The following PARD3 variants were observed in gnomAD, a reference collection of about 807,000 sequenced individuals.
The protein encoded by PARD3 is partitioning defective 3 homolog.
In PARD3, 75 loss-of-function variants were observed where a neutral mutation model predicts 155.4. The ratio of observed to expected loss-of-function variants is 0.48; its 90% CI spans 0.40 to 0.58. The LOEUF (loss-of-function observed/expected upper bound fraction) is 0.58, where lower values mean the gene tolerates loss of function less well. Among genes scored for constraint, PARD3 ranks in the 20% least tolerant of loss-of-function variants. The pLI is 0.00. For synonymous variants in PARD3, 576 were observed against 610.5 expected (o/e 0.94, Z 0.83); for missense variants, 1,642 against 1,721.7 (o/e 0.95, Z 0.82).
At chr10:34,521,364 CAAAA>C (rs35030184) in intron 2 of PARD3, among the ~76,000 whole-genome samples, 11 of 90,508 alleles carry the variant, frequency 1.2e-4, no homozygotes, top group Non-Finnish European at 7.3e-5. Flanking sequence ...AGTAACACAG[CAAAA>C]AAAAAAAAAA....
intron 22 of PARD3, among the ~76,000 whole-genome samples, chr10:34,200,310 C>G (rs12246710): frequency 0.11 from 17,180 of 152,068 alleles, 3,282 homozygotes; most frequent in African/African-American, 0.39. Context: ...CTTCCAACAC[C>G]TCTTAAGCAA....
intron 21 of PARD3, among the ~76,000 whole-genome samples, chr10:34,278,348 A>G (rs773148561): frequency 9.2e-5 from 14 of 152,222 alleles, no homozygotes; most frequent in Non-Finnish European, 1.8e-4. Flanking sequence ...ACATGCTTAA[A>G]TCTTTTTCTC....
At chr10:34,715,570 A>G (rs2094507980) in intron 1 of PARD3, among the ~76,000 whole-genome samples, 1 of 152,138 alleles carries the variant, frequency 6.6e-6, no homozygotes, top group Non-Finnish European at 1.5e-5. Context: ...TTCCTGGCTG[A>G]AATGTATCTC....
intron 1 of PARD3, among the ~76,000 whole-genome samples, chr10:34,746,981 C>A (rs1041724657): frequency 1.3e-5 from 2 of 152,150 alleles, no homozygotes; most frequent in South Asian, 2.1e-4. Flanking sequence ...CCCTTCCCTG[C>A]GGGGATTAGA....
intron 13 of PARD3, among the ~76,000 whole-genome samples, chr10:34,359,783 T>C (rs1839262086): frequency 6.6e-6 from 1 of 152,216 alleles, no homozygotes; most frequent in Admixed American, 6.5e-5. Flanking sequence ...ACGTCTACTA[T>C]ACGCCCATTC....
intron 19 of PARD3, among the ~76,000 whole-genome samples, chr10:34,327,684 C>T (rs573826951): frequency 4.6e-5 from 7 of 152,326 alleles, no homozygotes; most frequent in South Asian, 2.1e-4. Context: ...TCTCTAGCCA[C>T]GCATTTCCAG....
chr10:34,762,137 C>T (rs540328205), intron 1 of PARD3, among the ~76,000 whole-genome samples: 4 of 152,238 alleles, frequency 2.6e-5, no homozygotes, highest in African/African-American at 9.6e-5. Context: ...ACCTGAAAGT[C>T]ACCCAGGTCA....
In PARD3 at chr10:34,157,709, TA is replaced by T. The variant is rs1240836684; in HGVS notation, c.3420-26127del. Among the ~76,000 whole-genome samples, 3 of 152,332 alleles carry T rather than the reference TA, an allele frequency of 2.0e-5. No homozygotes were observed. In the East Asian group the frequency reaches 5.8e-4, roughly 29 times the overall value. On this transcript the variant is annotated intron_variant, in intron 22 of 24. Transcript: ENST00000374788. Reference sequence around the variant, plus strand: ...ATCTGAAACCATCATCTGCTTCCTATAGAGGGTTCCCTATTCCCAATGACAC... The same window carrying T: ...ATCTGAAACCATCATCTGCTTCCTATGAGGGTTCCCTATTCCCAATGACAC...
At chr10:34,615,778 A>G (rs2091209572) in intron 2 of PARD3, among the ~76,000 whole-genome samples, 1 of 152,200 alleles carries the variant, frequency 6.6e-6, no homozygotes, top group African/African-American at 2.4e-5. Flanking sequence ...AAAATGAGAA[A>G]ATGATCTAAA....
intron 21 of PARD3, among the ~76,000 whole-genome samples, chr10:34,275,576 T>A (rs1955835625): frequency 6.6e-6 from 1 of 152,204 alleles, no homozygotes; most frequent in Non-Finnish European, 1.5e-5. Flanking sequence ...TCTTTGATAT[T>A]TGAATGTCTT....
intron 5 of PARD3, among the ~76,000 whole-genome samples, chr10:34,406,314 C>T (rs1285291724): frequency 6.6e-6 from 1 of 152,194 alleles, no homozygotes; most frequent in Non-Finnish European, 1.5e-5. Context: ...ATCTCCTTCA[C>T]ATGAACACTT....
At chr10:34,165,462 CA>C (rs1949485561) in intron 22 of PARD3, among the ~76,000 whole-genome samples, 1 of 152,188 alleles carries the variant, frequency 6.6e-6, no homozygotes, top group African/African-American at 2.4e-5. Flanking sequence ...GAATTTTCCT[CA>C]ATGTCTAGCA....
intron 2 of PARD3, among the ~76,000 whole-genome samples, chr10:34,579,193 C>A (rs1284726269): frequency 6.6e-6 from 1 of 151,980 alleles, no homozygotes; most frequent in Non-Finnish European, 1.5e-5. Context: ...TCGCTTTAAC[C>A]CAGGAGGCAG....
In PARD3 at chr10:34,269,812, G is replaced by GCCAAAT; in HGVS notation, c.3258_3263dup (p.Phe1087_Gly1088dup). 6.2e-7 allele frequency: 1 copy of GCCAAAT among 1,613,890 alleles called. No homozygotes were observed. The highest frequency in any genetic ancestry group is 8.5e-7 in the Non-Finnish European group (1 of 1,179,908). Reference sequence around the variant, plus strand: ...CCCCATACATTAACTCATCATCACAGCCAAATGTCCGATGAAAATCTTGAA... The same window carrying GCCAAAT: ...CCCCATACATTAACTCATCATCACAGCCAAATCCAAATGTCCGATGAAAATCTTGAA... On this transcript the variant is annotated inframe_insertion, in exon 22 of 25. Coordinates refer to ENST00000374788, the MANE Select transcript of PARD3 (RefSeq NM_001184785.2).
At chr10:34,733,767 T>C (rs1456088034) in intron 1 of PARD3, among the ~76,000 whole-genome samples, 2 of 152,254 alleles carry the variant, frequency 1.3e-5, no homozygotes, top group Non-Finnish European at 2.9e-5. Flanking sequence ...CCCAAAGTGC[T>C]GGGATTATGG....
In PARD3 at chr10:34,163,221, G is replaced by A. The variant is rs114868759; in HGVS notation, c.3420-31638C>T. The stretch of plus-strand genomic sequence containing the variant: ...ACCTAGGAAGTTAAGTCTTGGGGAG[G>A]AGGCTTGTGTTCCCGGCCACTCCAC... On this transcript the variant is annotated intron_variant, in intron 22 of 24. Transcript: ENST00000374788. Among the ~76,000 whole-genome samples, 482 of 152,208 alleles carry A rather than the reference G, an allele frequency of 3.2e-3. 2 individuals are homozygous for A. The highest frequency in any genetic ancestry group is 0.011 in the African/African-American group (467 of 41,520).
At chr10:34,701,714 G>A (rs758856316) in intron 1 of PARD3, among the ~76,000 whole-genome samples, 4 of 152,114 alleles carry the variant, frequency 2.6e-5, no homozygotes, top group Non-Finnish European at 5.9e-5. Flanking sequence ...GGGGAACGTA[G>A]TGAGGCCCCA....
At chr10:34,505,557 G>A (rs530669982) in intron 3 of PARD3, among the ~76,000 whole-genome samples, 35 of 152,148 alleles carry the variant, frequency 2.3e-4, no homozygotes, top group Non-Finnish European at 4.3e-4. Context: ...CCATCCTAAC[G>A]GGCCACATGT....
intron 15 of PARD3, chr10:34,345,921 T>C (rs1408943106): frequency 2.0e-6 from 2 of 984,684 alleles, no homozygotes; most frequent in Non-Finnish European, 2.4e-6. Context: ...AATCAAAATA[T>C]GCATATATAC....
Sources: allele counts gnomAD v4.1 joint callset (sites outside exome capture counted in the v4.1 genomes callset), GRCh38; gene constraint gnomAD v4.1.1; transcripts MANE v1.5; gene names NCBI Gene and HGNC (gene_info 2026-07-23, HGNC 2026-07-21).